ADAMTS15: variants seen among roughly 807,000 people sequenced by gnomAD.
ADAMTS15 encodes the protein ADAM metallopeptidase with thrombospondin type 1 motif 15, also known as A disintegrin and metalloproteinase with thrombospondin motifs 15.
Under a neutral mutation model 79.1 loss-of-function variants are expected in ADAMTS15, and 35 were observed. That is an observed-to-expected ratio of 0.44 (90% confidence interval 0.34 to 0.59). The LOEUF (loss-of-function observed/expected upper bound fraction) is 0.59, where lower values mean the gene tolerates loss of function less well. Among genes scored for constraint, ADAMTS15 ranks in the 20% least tolerant of loss-of-function variants. The probability of loss-of-function intolerance (pLI) is 0.02; values close to 1 mark genes in which losing one functional copy is unlikely to be tolerated. For synonymous variants in ADAMTS15, 616 were observed against 567.3 expected (o/e 1.09, Z -1.22); for missense variants, 1,324 against 1,318.7 (o/e 1.00, Z -0.06).
rs1267790228 is a variant in ADAMTS15, at chr11:130,462,973, G to A, written c.1542+193G>A. Among the ~76,000 whole-genome samples the A allele has an allele frequency of 6.6e-6, 1 of 152,238 alleles. No individual in the cohort carries two copies. The highest frequency in any genetic ancestry group is 1.5e-5 in the Non-Finnish European group (1 of 68,038). ...TATCCCCTTCTTGACTCTAAGACCGGAGAGAAAAGCTATGGCAGGTCAGAG... is the reference window on the plus strand; with the variant it reads ...TATCCCCTTCTTGACTCTAAGACCGAAGAGAAAAGCTATGGCAGGTCAGAG... On this transcript the variant is annotated intron_variant, in intron 4 of 7. Transcript: ENST00000299164. This position sits in a 1 kb window ranked among gnomAD's most constrained non-coding sequence, Gnocchi z 4.3.
intron 4 of ADAMTS15, among the ~76,000 whole-genome samples, chr11:130,467,074 G>T (rs924432551): frequency 6.6e-6 from 1 of 152,214 alleles, no homozygotes; most frequent in Admixed American, 6.5e-5. Flanking sequence ...GTTTGGTGAA[G>T]GAATGAGTGA....
At position 130,466,512 on chromosome 11, in the gene ADAMTS15, C is replaced by T. The variant is rs1592148654; in HGVS notation, c.1543-2750C>T. Among the ~76,000 whole-genome samples the T allele has an allele frequency of 2.0e-5, 3 of 152,182 alleles. No homozygotes were observed. In the South Asian group the frequency reaches 6.2e-4, roughly 32 times the overall value. On this transcript the variant is annotated intron_variant, in intron 4 of 7. Coordinates refer to ENST00000299164, the MANE Select transcript of ADAMTS15 (RefSeq NM_139055.4). The stretch of plus-strand genomic sequence containing the variant: ...CTGTTTCTCTCACATGCTTCACACC[C>T]TGTATCTCCACGTCCCTGTGGATAC...
At position 130,449,029 on chromosome 11, in the gene ADAMTS15, C is replaced by G. The variant is rs1937891473; in HGVS notation, c.56C>G (p.Ser19Cys). The G allele has an allele frequency of 1.3e-6, 2 of 1,526,394 alleles. No individual in the cohort carries two copies. The highest frequency in any genetic ancestry group is 1.8e-6 in the Non-Finnish European group (2 of 1,135,924). The allele number at this position is 1,526,394 out of a possible 1,614,324, so 94.6% of individuals were successfully genotyped here. A position where few individuals can be genotyped will look rare whatever the true frequency, so the allele number is the denominator to read the frequency against. The change falls in exon 1 of 8, where the codon TCT (serine) becomes TGT (cysteine). Residue 19 changes from serine to cysteine, a missense_variant. Ser to Cys is a moderately radical substitution (Grantham distance 112, BLOSUM62 -1). Coordinates refer to ENST00000299164, the MANE Select transcript of ADAMTS15 (RefSeq NM_139055.4). This position sits in a 1 kb window ranked among gnomAD's most constrained non-coding sequence, Gnocchi z 7.8. ...LAFAGRTAGG[S>C]EPEREVVVPI... ...TTCGCCGGGCGAACCGCTGGAGGCT[C>G]TGAGCCAGAGCGGGAGGTAGTCGTT...
chr11:130,463,137 C>T (rs953131489), intron 4 of ADAMTS15, among the ~76,000 whole-genome samples: 15 of 152,176 alleles, frequency 9.9e-5, no homozygotes, highest in Admixed American at 4.6e-4. Flanking sequence ...GCGGCTCACT[C>T]GCTGGCTCAT....
At chr11:130,452,264 C>A (rs957447435) in intron 1 of ADAMTS15, among the ~76,000 whole-genome samples, 1 of 152,148 alleles carries the variant, frequency 6.6e-6, no homozygotes, top group Admixed American at 6.5e-5. Flanking sequence ...AGTATTTTGA[C>A]AATTTGAGGA....
chr11:130,450,538 C>G (rs1450972489), intron 1 of ADAMTS15: 4 of 699,510 alleles, frequency 5.7e-6, no homozygotes. Context: ...AGCATCCCTC[C>G]TTCACTGCCG....
intron 4 of ADAMTS15, among the ~76,000 whole-genome samples, chr11:130,463,594 G>T (rs1938246382): frequency 6.6e-6 from 1 of 152,130 alleles, no homozygotes; most frequent in South Asian, 2.1e-4. Context: ...CAGAGGCAGT[G>T]TCACAAAAAA....
In ADAMTS15 at chr11:130,471,267, C is replaced by T; in HGVS notation, c.1962C>T (p.Cys654=). Reference sequence around the variant, plus strand: ...CCTCCGTCTGTGTCCAAGGCAAGTGCATCAAGGCTGGCTGTGATGGGAACC... The same window carrying T: ...CCTCCGTCTGTGTCCAAGGCAAGTGTATCAAGGCTGGCTGTGATGGGAACC... ...DSTSVCVQGK[C]IKAGCDGNLG... The change falls in exon 7 of 8, where the codon TGC becomes TGT. Residue 654 remains cysteine (C), a synonymous_variant. Transcript: ENST00000299164. 3 of 1,613,012 alleles carry T rather than the reference C, an allele frequency of 1.9e-6. No individual in the cohort carries two copies. Among genetic ancestry groups the T allele is most frequent in the Admixed American group, 3.3e-5 (2 of 59,702 alleles).
chr11:130,451,014 C>G (rs1937950923), intron 1 of ADAMTS15, among the ~76,000 whole-genome samples: 1 of 152,218 alleles, frequency 6.6e-6, no homozygotes, highest in Admixed American at 6.5e-5. Flanking sequence ...AGCTACAAAT[C>G]TGCAAACGTT....
At position 130,473,972 on chromosome 11, in the gene ADAMTS15, G is replaced by C; in HGVS notation, c.*151G>C. 9.0e-7 allele frequency: 1 copy of C among 1,112,982 alleles called. No individual in the cohort carries two copies. The highest frequency in any genetic ancestry group is 1.2e-6 in the Non-Finnish European group (1 of 804,892). The allele number at this position is 1,112,982 out of a possible 1,614,324, so 68.9% of individuals were successfully genotyped here. A position where few individuals can be genotyped will look rare whatever the true frequency, so the allele number is the denominator to read the frequency against. ...CAAGGACCATGGGCTGGGGCGAGAGGTTCCCTCCTCCTCCCTGGACTGGGC... is the reference window on the plus strand; with the variant it reads ...CAAGGACCATGGGCTGGGGCGAGAGCTTCCCTCCTCCTCCCTGGACTGGGC... On this transcript the variant is annotated 3_prime_UTR_variant, in exon 8 of 8. Coordinates refer to ENST00000299164, the MANE Select transcript of ADAMTS15 (RefSeq NM_139055.4).
intron 7 of ADAMTS15, among the ~76,000 whole-genome samples, chr11:130,471,690 C>T (rs776136517): frequency 1.3e-5 from 2 of 152,096 alleles, no homozygotes; most frequent in Admixed American, 1.3e-4. Flanking sequence ...AGAGTAAGAC[C>T]GACCTGATTC....
intron 5 of ADAMTS15, among the ~76,000 whole-genome samples, chr11:130,470,108 C>A (rs1023510439): frequency 8.4e-6 from 1 of 118,372 alleles, no homozygotes; most frequent in Non-Finnish European, 1.7e-5. Flanking sequence ...TTATCAGGTT[C>A]ATTACTGAAT....
At position 130,475,698 on chromosome 11, in the gene ADAMTS15, C is replaced by T. The variant is rs547840034; in HGVS notation, c.*1877C>T. On this transcript the variant is annotated 3_prime_UTR_variant, in exon 8 of 8. Coordinates refer to ENST00000299164, the MANE Select transcript of ADAMTS15 (RefSeq NM_139055.4). ...GTCTCTGAGGCAGGGCTGCAGTCAC[C>T]CCTGAAGAACTAAGTGAACAGGAAC... 2.4e-4 allele frequency: 37 copies of T among 152,494 alleles called. 1 individual carries two copies. In the South Asian group the frequency reaches 7.7e-3, roughly 32 times the overall value. The allele number at this position is 152,494 out of a possible 1,614,324, so 9.4% of individuals were successfully genotyped here. A position where few individuals can be genotyped will look rare whatever the true frequency, so the allele number is the denominator to read the frequency against.
rs1422161974 is a variant in ADAMTS15, at chr11:130,475,120, T to G, written c.*1299T>G. 6.6e-6 allele frequency: 1 copy of G among 152,208 alleles called. No homozygotes were observed. Among genetic ancestry groups the G allele is most frequent in the Non-Finnish European group, 1.5e-5 (1 of 68,104 alleles). The allele number at this position is 152,208 out of a possible 1,614,324, so 9.4% of individuals were successfully genotyped here. On this transcript the variant is annotated 3_prime_UTR_variant, in exon 8 of 8. Coordinates refer to ENST00000299164, the MANE Select transcript of ADAMTS15 (RefSeq NM_139055.4). ...AGAGCGAGCTGTCCAGCCACAGAAA[T>G]GAGGGTGTGGTGCGTGGCTTCCTGC...
chr11:130,473,852 C>A lies in ADAMTS15; in HGVS notation c.*31C>A. 6.4e-7 allele frequency: 1 copy of A among 1,558,528 alleles called. No individual in the cohort carries two copies. Among genetic ancestry groups the A allele is most frequent in the Non-Finnish European group, 8.6e-7 (1 of 1,156,616 alleles). On this transcript the variant is annotated 3_prime_UTR_variant, in exon 8 of 8. Coordinates refer to ENST00000299164, the MANE Select transcript of ADAMTS15 (RefSeq NM_139055.4). ...GTCATCGCTTTCTCCCCCTCACTCT[C>A]CACCCCACTGATATGCCAGCGTTCT...
chr11:130,473,402 C>T lies in ADAMTS15; in HGVS notation c.2434C>T (p.Pro812Ser). 6.2e-7 allele frequency: 1 copy of T among 1,612,822 alleles called. No individual in the cohort carries two copies. Among genetic ancestry groups the T allele is most frequent in the South Asian group, 1.1e-5 (1 of 91,084 alleles). ...GCCTCGGGAGGACAAGTCCTCTCAT[C>T]CCAAGGACCCCCGGGGACCCTCTGT... Reference protein sequence around the residue: ...KEPREDKSSHPKDPRGPSVLH... With the variant: ...KEPREDKSSHSKDPRGPSVLH... The change falls in exon 8 of 8, where the codon CCC (proline) becomes TCC (serine). Residue 812 changes from proline (P) to serine (S), a missense_variant. Transcript: ENST00000299164.
chr11:130,469,219 G>A lies in ADAMTS15; in HGVS notation c.1543-43G>A, dbSNP rs759091702. On this transcript the variant is annotated intron_variant, in intron 4 of 7. Transcript: ENST00000299164. The stretch of plus-strand genomic sequence containing the variant: ...TCTATGGGCTGAGGGGCTGGGTGTG[G>A]CACCTGGATCCACCAAGGAATATAA... 2.9e-6 allele frequency: 4 copies of A among 1,361,620 alleles called. No homozygotes were observed. The Admixed American group carries it at 1.2e-4, about 41-fold the overall frequency. 84.3% of individuals were successfully genotyped at this position (1,361,620 alleles called of 1,614,324 possible).
chr11:130,471,403 G>A lies in ADAMTS15; in HGVS notation c.2078+20G>A. 1 of 1,591,460 alleles carries A rather than the reference G, an allele frequency of 6.3e-7. No individual in the cohort carries two copies. Among genetic ancestry groups the A allele is most frequent in the African/African-American group, 1.4e-5 (1 of 73,312 alleles). On this transcript the variant is annotated intron_variant, in intron 7 of 7. Coordinates refer to ENST00000299164, the MANE Select transcript of ADAMTS15 (RefSeq NM_139055.4). ...GCCCATGTGAGTTCTGGGCCCTGAA[G>A]GTCCTGCCAGGGAGCAAAGGGAGGG... is the stretch of plus-strand genomic sequence containing the variant.
Position 130,462,611 on chromosome 11 carries a change from C to G in ADAMTS15, c.1373C>G (p.Pro458Arg), listed in dbSNP as rs1392943755. ...CELAFGVGSKPCPYMQYCTKL... is the reference protein window; with the variant it reads ...CELAFGVGSKRCPYMQYCTKL... ...CTGGCTTTTGGCGTGGGCTCCAAGC[C>G]CTGTCCTTACATGCAGTACTGCACC... Residue 458 changes from proline (P) to arginine (R), a missense_variant, in exon 4 of 8, where the codon CCC becomes CGC. Transcript: ENST00000299164. The surrounding 1 kb of genome is among the most constrained non-coding windows in gnomAD (Gnocchi z 4.3). 1.2e-6 allele frequency: 2 copies of G among 1,613,854 alleles called. No individual in the cohort carries two copies.
Sources: allele counts gnomAD v4.1 joint callset (sites outside exome capture counted in the v4.1 genomes callset), GRCh38; gene constraint gnomAD v4.1.1; non-coding constraint Gnocchi (gnomAD v3.1); transcripts MANE v1.5; gene names NCBI Gene and HGNC (gene_info 2026-07-23, HGNC 2026-07-21).